Variants in CADPS observed in about 807,000 individuals in gnomAD.
The protein encoded by CADPS is calcium-dependent secretion activator 1.
A neutral mutation model predicts 167.3 loss-of-function variants in CADPS; 57 were observed. That is an observed-to-expected ratio of 0.34 (90% CI 0.28 to 0.42). The LOEUF is 0.42. CADPS is among the 20% of genes least tolerant of loss of function. The probability of loss-of-function intolerance (pLI) is 1.00; values close to 1 mark genes in which losing one functional copy is unlikely to be tolerated. For missense variants in CADPS, 1,414 were observed against 1,738.1 expected (o/e 0.81, Z 3.32); for synonymous variants, 676 against 635.3 (o/e 1.06, Z -0.96).
intron 13 of CADPS, among the ~76,000 whole-genome samples, chr3:62,520,751 A>G (rs1577145645): frequency 6.6e-6 from 1 of 152,338 alleles, no homozygotes; most frequent in East Asian, 1.9e-4. Context: ...ATGCTGCTTT[A>G]CAAAGTGAGG....
At chr3:62,515,796 G>A (rs1182743717) in intron 16 of CADPS, among the ~76,000 whole-genome samples, 1 of 152,078 alleles carries the variant, frequency 6.6e-6, no homozygotes, top group African/African-American at 2.4e-5. Context: ...ACTCTCAGAA[G>A]GAATTTAGTT....
chr3:62,791,394 G>A (rs1486111525), intron 1 of CADPS, among the ~76,000 whole-genome samples: 1 of 152,140 alleles, frequency 6.6e-6, no homozygotes, highest in Admixed American at 6.5e-5. Context: ...TTACAGCCTT[G>A]CTATATAGAA....
In CADPS at chr3:62,819,019, G is replaced by T. The variant is rs191849379; in HGVS notation, c.442-53035C>A. Among the ~76,000 whole-genome samples the T allele has an allele frequency of 4.3e-3, 657 of 152,244 alleles. 4 individuals carry two copies. Among genetic ancestry groups the T allele is most frequent in the African/African-American group, 5.5e-3 (228 of 41,552 alleles). On this transcript the variant is annotated intron_variant, in intron 1 of 29. Transcript: ENST00000383710. ...AGAACAGTTACTGGCTCCAGGGGAT[G>T]GTGGTGGAGGTGGGTGGGCAGGGAT...
At chr3:62,631,517 G>A (rs1021253083) in intron 6 of CADPS, among the ~76,000 whole-genome samples, 7 of 152,038 alleles carry the variant, frequency 4.6e-5, no homozygotes, top group African/African-American at 1.2e-4. Flanking sequence ...ATGCTTCCAC[G>A]CAAGATCCTG....
chr3:62,459,009 A>T (rs975390989), intron 26 of CADPS, among the ~76,000 whole-genome samples: 1 of 152,198 alleles, frequency 6.6e-6, no homozygotes, highest in Non-Finnish European at 1.5e-5. Flanking sequence ...CATGGCATCA[A>T]CTGGAAATAA....
At chr3:62,530,896 CAAAA>C (rs927567664) in intron 13 of CADPS, 2 of 647,474 alleles carry the variant, frequency 3.1e-6, no homozygotes, top group South Asian at 5.6e-5. Flanking sequence ...CATGCACAAA[CAAAA>C]GAAAGAAAAA....
At chr3:62,467,602 A>G (rs1488851467) in intron 24 of CADPS, among the ~76,000 whole-genome samples, 1 of 152,132 alleles carries the variant, frequency 6.6e-6, no homozygotes, top group Non-Finnish European at 1.5e-5. Context: ...TTGGGAAGTC[A>G]TGTTACCTAT....
chr3:62,613,408 G>A (rs1431429165), intron 6 of CADPS, among the ~76,000 whole-genome samples: 2 of 152,052 alleles, frequency 1.3e-5, no homozygotes, highest in Admixed American at 6.5e-5. Context: ...AAGAAGGGTC[G>A]TCCTCATAAG....
intron 1 of CADPS, among the ~76,000 whole-genome samples, chr3:62,861,944 A>G (rs2080875230): frequency 6.6e-6 from 1 of 152,122 alleles, no homozygotes; most frequent in African/African-American, 2.4e-5. Flanking sequence ...ACTTGATCTC[A>G]GTCAGCTTGA....
At chr3:62,425,550 A>G (rs574847257) in intron 28 of CADPS, among the ~76,000 whole-genome samples, 2 of 152,344 alleles carry the variant, frequency 1.3e-5, no homozygotes, top group South Asian at 2.1e-4. Flanking sequence ...AAAAAAGTAC[A>G]TATGTAGTTC....
At chr3:62,736,343 A>T (rs1312652909) in intron 3 of CADPS, among the ~76,000 whole-genome samples, 1 of 152,240 alleles carries the variant, frequency 6.6e-6, no homozygotes, top group African/African-American at 2.4e-5. Flanking sequence ...AACAAATTAA[A>T]AACTCAGTTA....
chr3:62,769,902 C>G (rs2088112684), intron 1 of CADPS, among the ~76,000 whole-genome samples: 1 of 152,120 alleles, frequency 6.6e-6, no homozygotes, highest in Admixed American at 6.6e-5. Context: ...GATGATAAAA[C>G]TGACTTCCCA....
chr3:62,592,670 G>A lies in CADPS; in HGVS notation c.1404C>T (p.Gly468=), dbSNP rs376804685. ...GCTCCTTGTCCTCCAACGCCAGGACGCCTGTGCTCTCTGTGAACAGCTTCA... is the reference window on the plus strand; with the variant it reads ...GCTCCTTGTCCTCCAACGCCAGGACACCTGTGCTCTCTGTGAACAGCTTCA... ...VKVKLFTEST[G]VLALEDKELG... Residue 468 remains glycine, a synonymous_variant, in exon 7 of 30, where the codon GGC becomes GGT. Coordinates refer to ENST00000383710, the MANE Select transcript of CADPS (RefSeq NM_003716.4). 13 of 1,613,830 alleles carry A rather than the reference G, an allele frequency of 8.1e-6. 1 individual carries two copies. The highest frequency in any genetic ancestry group is 1.6e-4 in the Middle Eastern group (1 of 6,082).
At chr3:62,518,298 C>T (rs779006294) in intron 13 of CADPS, 48 bp from the exon 14 acceptor site, 2 of 1,340,340 alleles carry the variant, frequency 1.5e-6, no homozygotes, top group South Asian at 1.2e-5. Flanking sequence ...TATGCTGACA[C>T]CATCAAATCA....
chr3:62,603,839 T>G (rs991333274), intron 6 of CADPS, among the ~76,000 whole-genome samples: 4 of 152,050 alleles, frequency 2.6e-5, no homozygotes, highest in Non-Finnish European at 5.9e-5. Context: ...GCTGTGTTTT[T>G]TTTTTGAGAC....
At chr3:62,691,369 A>T (rs186656732) in intron 3 of CADPS, among the ~76,000 whole-genome samples, 1 of 152,104 alleles carries the variant, frequency 6.6e-6, no homozygotes, top group African/African-American at 2.4e-5. Context: ...CAACTGTTAC[A>T]AATGCATCAT....
At chr3:62,466,473 A>G (rs1199487973) in intron 24 of CADPS, 60 bp from the exon 25 acceptor site, 2 of 1,039,990 alleles carry the variant, frequency 1.9e-6, no homozygotes, top group Non-Finnish European at 3.0e-6. Context: ...TGCATCCGTC[A>G]GTAATTTTTA....
At chr3:62,573,467 G>A (rs2081669423) in intron 8 of CADPS, among the ~76,000 whole-genome samples, 1 of 152,198 alleles carries the variant, frequency 6.6e-6, no homozygotes, top group Non-Finnish European at 1.5e-5. Flanking sequence ...ATGCACTTGG[G>A]AAAACTTTAG....
chr3:62,517,242 C>T (rs896417372), intron 14 of CADPS, among the ~76,000 whole-genome samples: 2 of 152,230 alleles, frequency 1.3e-5, no homozygotes, highest in African/African-American at 4.8e-5. Context: ...CTACAAGTTC[C>T]AGTGACTGGT....
Sources: allele counts gnomAD v4.1 joint callset (sites outside exome capture counted in the v4.1 genomes callset), GRCh38; gene constraint gnomAD v4.1.1; transcripts MANE v1.5; gene names NCBI Gene and HGNC (gene_info 2026-07-23, HGNC 2026-07-21).